The following POTEE variants were observed in gnomAD, a reference collection of about 807,000 sequenced individuals.
The protein encoded by POTEE is ANKRD26-like family C member 1A.
POTEE carries 21 observed loss-of-function variants against 74.2 expected under a neutral mutation model. The ratio of observed to expected loss-of-function variants is 0.28; its 90% confidence interval spans 0.20 to 0.41. The LOEUF (loss-of-function observed/expected upper bound fraction) is 0.41, where lower values mean the gene tolerates loss of function less well. POTEE is among the 10% of genes least tolerant of loss of function. POTEE has a pLI of 1.00. For synonymous variants in POTEE, 211 were observed against 432.8 expected, an observed-to-expected ratio of 0.49 and a Z score of 6.36; for missense variants, 525 against 1,158.6, an observed-to-expected ratio of 0.45 and a Z score of 7.94.
chr2:131,231,322 G>A (rs1257756258), intron 9 of POTEE, among the ~76,000 whole-genome samples: 3 of 151,324 alleles, frequency 2.0e-5, no homozygotes, highest in South Asian at 2.1e-4. Context: ...GAGTACAGGC[G>A]GTAATATGAG....
intron 2 of POTEE, among the ~76,000 whole-genome samples, chr2:131,216,168 T>C (rs1342528081): frequency 6.6e-6 from 1 of 151,704 alleles, no homozygotes; most frequent in African/African-American, 2.4e-5. Flanking sequence ...CTGAAAATTA[T>C]AGCACATTGA....
intron 4 of POTEE, among the ~76,000 whole-genome samples, chr2:131,221,085 A>G (rs915104822): frequency 3.9e-5 from 6 of 152,236 alleles, no homozygotes; most frequent in Non-Finnish European, 8.8e-5. Context: ...CTTTTCAAAC[A>G]AACACTTTAG....
At chr2:131,221,235 T>G (rs1700607633) in intron 4 of POTEE, among the ~76,000 whole-genome samples, 1 of 152,050 alleles carries the variant, frequency 6.6e-6, no homozygotes, top group South Asian at 2.1e-4. Flanking sequence ...ATATAAAGAT[T>G]TCATGGACAA....
intron 2 of POTEE, among the ~76,000 whole-genome samples, 75 bp downstream of exon 2, chr2:131,211,258 T>C (rs1700349551): frequency 6.6e-6 from 1 of 151,582 alleles, no homozygotes; most frequent in African/African-American, 2.4e-5. Flanking sequence ...CGACAGCAAC[T>C]GTATTGGCAT....
At chr2:131,228,962 CT>C (rs1263365354) in intron 8 of POTEE, among the ~76,000 whole-genome samples, 1 of 146,826 alleles carries the variant, frequency 6.8e-6, no homozygotes, top group Non-Finnish European at 1.5e-5. Context: ...TCCCTCAAGT[CT>C]TCATGGCGAT....
chr2:131,216,573 T>C (rs1281198774), intron 2 of POTEE, among the ~76,000 whole-genome samples: 1 of 151,704 alleles, frequency 6.6e-6, no homozygotes, highest in African/African-American at 2.4e-5. Flanking sequence ...AATTCACTCC[T>C]ATGTATACAC....
chr2:131,225,404 A>G (rs1182787535), intron 6 of POTEE, among the ~76,000 whole-genome samples: 1 of 151,732 alleles, frequency 6.6e-6, no homozygotes, highest in African/African-American at 2.4e-5. Context: ...AACGACAACA[A>G]CAACAATTTT....
intron 2 of POTEE, among the ~76,000 whole-genome samples, chr2:131,214,308 T>C (rs1700410751): frequency 1.3e-5 from 2 of 152,216 alleles, no homozygotes; most frequent in African/African-American, 4.8e-5. Context: ...AAGAAAATTG[T>C]GGATATGAAG....
At chr2:131,255,565 G>T (rs1299684167) in intron 16 of POTEE, among the ~76,000 whole-genome samples, 1 of 13,600 alleles carries the variant, frequency 7.4e-5, no homozygotes, top group Non-Finnish European at 1.7e-4. Context: ...CTTTCTCATA[G>T]TTTTTTTTTT....
chr2:131,211,916 AG>A (rs1700369168), intron 2 of POTEE, among the ~76,000 whole-genome samples: 1 of 150,130 alleles, frequency 6.7e-6, no homozygotes, highest in Non-Finnish European at 1.5e-5. Context: ...TGAATTGGGG[AG>A]GGGATAAAAG....
chr2:131,209,862 G>T (rs1410192784), intron 1 of POTEE, among the ~76,000 whole-genome samples, 43 bp downstream of exon 1: 3 of 151,672 alleles, frequency 2.0e-5, no homozygotes, highest in Non-Finnish European at 2.9e-5. Context: ...GGGGGCAGGG[G>T]TTGGGTGTCC....
At position 131,218,539 on chromosome 2, in the gene POTEE, C is replaced by T. The variant is rs756921549; in HGVS notation, c.137C>T (p.Ser46Phe). The T allele has an allele frequency of 1.2e-6, 2 of 1,611,388 alleles. No homozygotes were observed. Among genetic ancestry groups the T allele is most frequent in the Admixed American group, 1.7e-5 (1 of 59,854 alleles). Residue 46 changes from serine to phenylalanine, a missense_variant, in exon 4 of 18, where the codon TCT becomes TTT. Physicochemically the swap from Ser to Phe is radical, Grantham distance 155. Coordinates refer to ENST00000683005, the MANE Select transcript of POTEE (RefSeq NM_001083538.3). ...RESGKSNVGTSGDHDDSAMKT... is the reference protein window; with the variant it reads ...RESGKSNVGTFGDHDDSAMKT... ...AGCGGCAAGAGCAACGTGGGCACTT[C>T]TGGAGACCACGACGACTCTGCTATG...
chr2:131,210,232 G>A (rs1384899672), intron 1 of POTEE, among the ~76,000 whole-genome samples: 1 of 100,690 alleles, frequency 9.9e-6, no homozygotes, highest in Non-Finnish European at 2.0e-5. Context: ...CTGTGGTGGG[G>A]TGGGGGCGGC....
intron 9 of POTEE, among the ~76,000 whole-genome samples, chr2:131,234,473 AG>A (rs1701067022): frequency 2.0e-5 from 2 of 101,856 alleles, no homozygotes; most frequent in African/African-American, 8.0e-5. Context: ...AAAGAGAAAG[AG>A]TGTTTTTTGT....
intron 6 of POTEE, among the ~76,000 whole-genome samples, chr2:131,225,462 T>C (rs1289261710): frequency 1.4e-5 from 2 of 146,938 alleles, no homozygotes; most frequent in Non-Finnish European, 3.0e-5. Flanking sequence ...AATACTTAAA[T>C]GTAATATGTA....
intron 17 of POTEE, among the ~76,000 whole-genome samples, chr2:131,262,814 A>C (rs2105142020): frequency 6.6e-6 from 1 of 152,406 alleles, no homozygotes; most frequent in African/African-American, 2.4e-5. Flanking sequence ...CTTATAACTG[A>C]GTATAGAAAT....
chr2:131,210,648 G>A (rs1215838451), intron 1 of POTEE, among the ~76,000 whole-genome samples: 1 of 151,494 alleles, frequency 6.6e-6, no homozygotes, highest in African/African-American at 2.4e-5. Context: ...GTGTTGGGGA[G>A]ACCACCTGGG....
Position 131,263,855 on chromosome 2 carries a change from G to A in POTEE, c.2400G>A (p.Glu800=). 6.2e-7 allele frequency: 1 copy of A among 1,614,188 alleles called. No homozygotes were observed. Among genetic ancestry groups the A allele is most frequent in the Non-Finnish European group, 8.5e-7 (1 of 1,180,042 alleles). Residue 800 remains glutamate, a synonymous_variant, in exon 18 of 18, where the codon GAG becomes GAA. Transcript: ENST00000683005. Reference sequence around the variant, plus strand: ...ACGAGCTGCGTGTGGCTCCCGAGGAGCACCCCATCCTGCTGACCGAGGCCC... The same window carrying A: ...ACGAGCTGCGTGTGGCTCCCGAGGAACACCCCATCCTGCTGACCGAGGCCC... The part of the protein sequence containing the change: ...FYNELRVAPE[E]HPILLTEAPL...
At chr2:131,233,897 C>T (rs1701044188) in intron 9 of POTEE, among the ~76,000 whole-genome samples, 1 of 150,360 alleles carries the variant, frequency 6.7e-6, no homozygotes, top group South Asian at 2.1e-4. Flanking sequence ...AGGAAATTTT[C>T]TGGTGAATAC....
Sources: gnomAD v4.1 joint callset for allele counts (sites outside exome capture counted in the v4.1 genomes callset) on GRCh38, gnomAD v4.1.1 for gene constraint, MANE v1.5 for transcripts, NCBI Gene and HGNC (gene_info 2026-07-23, HGNC 2026-07-21) for gene names.